TRPC4: variants seen among roughly 807,000 people sequenced by gnomAD.
The protein encoded by TRPC4 is transient receptor potential cation channel subfamily C member 4.
TRPC4 carries 49 observed loss-of-function variants against 99.4 expected under a neutral mutation model. The ratio of observed to expected loss-of-function variants is 0.49; its 90% CI spans 0.39 to 0.63. TRPC4 has a LOEUF of 0.63. Among genes scored for constraint, TRPC4 ranks in the 20% least tolerant of loss-of-function variants. The pLI, the probability that TRPC4 is intolerant of heterozygous loss-of-function variation, is 0.00. For synonymous variants in TRPC4, 454 were observed against 425.9 expected (o/e 1.07, Z -0.81); for missense variants, 898 against 1,152.9 (o/e 0.78, Z 3.20).
chr13:37,770,550 T>A (rs145708036), intron 2 of TRPC4, among the ~76,000 whole-genome samples: 6 of 151,688 alleles, frequency 4.0e-5, no homozygotes, highest in African/African-American at 1.2e-4. Context: ...AAATTTAGCA[T>A]AAAAGCACCA....
intron 7 of TRPC4, among the ~76,000 whole-genome samples, chr13:37,653,500 GA>G (rs138995952): frequency 0.014 from 2,129 of 152,246 alleles, 33 homozygotes; most frequent in Non-Finnish European, 0.023. Context: ...GCTATTCTGG[GA>G]CAGGTGTAAG....
Position 37,651,272 on chromosome 13 carries a change from G to C in TRPC4, c.2072C>G (p.Thr691Arg). ...AACATGCTGTGTTCTTACCCCTATT[G>C]TTCCAAAACTTTCTGGCTTTCTTCT... is the stretch of plus-strand genomic sequence containing the variant. The part of the protein sequence containing the change: ...KMRRKPESFG[T>R]IGRRAADNLR... The change falls in exon 8 of 11, where the codon ACA becomes AGA. Residue 691 changes from threonine to arginine, a missense_variant. This residue lies in a region of TRPC4 where 346 missense variants were observed against 351.4 expected (regional missense o/e 0.98). Coordinates refer to ENST00000379705, the MANE Select transcript of TRPC4 (RefSeq NM_016179.4). 6.2e-7 allele frequency: 1 copy of C among 1,614,036 alleles called. No individual in the cohort carries two copies. The highest frequency in any genetic ancestry group is 8.5e-7 in the Non-Finnish European group (1 of 1,179,940).
chr13:37,650,798 G>A lies in TRPC4; in HGVS notation c.2079+467C>T, dbSNP rs907077434. 1.0e-4 allele frequency among the ~76,000 whole-genome samples: 15 copies of A among 144,834 alleles called. No homozygotes were observed. In the East Asian group the frequency reaches 2.7e-3, roughly 26 times the overall value. ...TCATTTAATTGAGAATTCTTATCAA[G>A]CATAAAATGCTTTGTGCAGGGACTT... On this transcript the variant is annotated intron_variant, in intron 8 of 10. Transcript: ENST00000379705.
At chr13:37,745,457 T>TATATATACGCATATATATATATATATGC (rs1955720493) in intron 3 of TRPC4, among the ~76,000 whole-genome samples, 1 of 8,044 alleles carries the variant, frequency 1.2e-4, no homozygotes, top group Non-Finnish European at 4.9e-4. Context: ...TATATATATA[T>TATATATACGCATATATATATATATATGC]ATATATATAT....
chr13:37,735,025 T>A (rs1273300048), intron 3 of TRPC4, among the ~76,000 whole-genome samples: 2 of 152,132 alleles, frequency 1.3e-5, no homozygotes, highest in Non-Finnish European at 2.9e-5. Flanking sequence ...CTATGCCACC[T>A]AGAAGCCATT....
chr13:37,735,214 A>G (rs1184044200), intron 3 of TRPC4, among the ~76,000 whole-genome samples: 2 of 152,156 alleles, frequency 1.3e-5, no homozygotes, highest in African/African-American at 2.4e-5. Flanking sequence ...AGGAATAAGT[A>G]AAAACATTCC....
At chr13:37,704,948 ATATATC>A (rs1643832554) in intron 3 of TRPC4, among the ~76,000 whole-genome samples, 1 of 152,260 alleles carries the variant, frequency 6.6e-6, no homozygotes, top group East Asian at 1.9e-4. Context: ...ACTACTAGGC[ATATATC>A]TATAAGAAGT....
At chr13:37,776,580 AC>A (rs1478304752) in intron 2 of TRPC4, among the ~76,000 whole-genome samples, 1 of 151,966 alleles carries the variant, frequency 6.6e-6, no homozygotes, top group Non-Finnish European at 1.5e-5. Context: ...TATAATAAAA[AC>A]AAATAGAAAG....
At chr13:37,649,487 C>A (rs1323332715) in intron 8 of TRPC4, among the ~76,000 whole-genome samples, 2 of 151,896 alleles carry the variant, frequency 1.3e-5, no homozygotes, top group Non-Finnish European at 2.9e-5. Context: ...GTAATCCCAG[C>A]ACTTTGGGAG....
intron 8 of TRPC4, among the ~76,000 whole-genome samples, chr13:37,649,627 G>A (rs950184066): frequency 6.6e-6 from 1 of 151,046 alleles, no homozygotes; most frequent in African/African-American, 2.4e-5. Flanking sequence ...CCAGCTACTC[G>A]GGAGGCTGAG....
At chr13:37,812,176 CAAAA>C (rs61607544) in intron 1 of TRPC4, among the ~76,000 whole-genome samples, 2 of 55,138 alleles carry the variant, frequency 3.6e-5, no homozygotes, top group South Asian at 9.2e-4. Flanking sequence ...GAGACTCTAT[CAAAA>C]AAAAAAAAAA....
rs148085343 is a variant in TRPC4, at chr13:37,776,315, GA to G, written c.378+6640del. 1.2e-4 allele frequency among the ~76,000 whole-genome samples: 18 copies of G among 151,938 alleles called. No homozygotes were observed. In the East Asian group the frequency reaches 3.3e-3, roughly 28 times the overall value. The stretch of plus-strand genomic sequence containing the variant: ...ACGGCAGAATAAGAAAATAGTCTAA[GA>G]AACTTTCCTATTGATAAATCGATAT... On this transcript the variant is annotated intron_variant, in intron 2 of 10. Transcript: ENST00000379705.
intron 3 of TRPC4, among the ~76,000 whole-genome samples, chr13:37,703,229 G>A (rs1954158992): frequency 6.6e-6 from 1 of 152,096 alleles, no homozygotes; most frequent in South Asian, 2.1e-4. Context: ...TAGGAAAATT[G>A]CCACTTGAAA....
At chr13:37,828,696 C>T (rs932631488) in intron 1 of TRPC4, among the ~76,000 whole-genome samples, 9 of 152,132 alleles carry the variant, frequency 5.9e-5, no homozygotes, top group African/African-American at 9.7e-5. Flanking sequence ...CATGGTTAGG[C>T]CTGGAGGCCA....
intron 2 of TRPC4, among the ~76,000 whole-genome samples, chr13:37,747,041 A>G (rs1353462105): frequency 6.6e-6 from 1 of 152,158 alleles, no homozygotes; most frequent in Non-Finnish European, 1.5e-5. Context: ...CTTTTCTGGT[A>G]TATTTTCCAG....
At chr13:37,847,813 T>C (rs1958947501) in intron 1 of TRPC4, among the ~76,000 whole-genome samples, 1 of 152,040 alleles carries the variant, frequency 6.6e-6, no homozygotes, top group Non-Finnish European at 1.5e-5. Flanking sequence ...CACAAATATA[T>C]ACAGTGGACT....
chr13:37,866,764 C>T (rs995090489), intron 1 of TRPC4, among the ~76,000 whole-genome samples: 5 of 140,490 alleles, frequency 3.6e-5, no homozygotes, highest in African/African-American at 5.4e-5. Flanking sequence ...AGTTCTAAAT[C>T]AACTCTTCAT....
At chr13:37,794,340 A>G (rs989628720) in intron 1 of TRPC4, among the ~76,000 whole-genome samples, 1 of 152,130 alleles carries the variant, frequency 6.6e-6, no homozygotes, top group Non-Finnish European at 1.5e-5. Context: ...CTCCGATTTA[A>G]AAGATATTTG....
intron 1 of TRPC4, among the ~76,000 whole-genome samples, chr13:37,860,646 TACC>T (rs1381755467): frequency 6.6e-6 from 1 of 151,448 alleles, no homozygotes; most frequent in African/African-American, 2.4e-5. Context: ...AACATAATCT[TACC>T]ACAATTTTAT....
Sources: gnomAD v4.1 joint callset for allele counts (sites outside exome capture counted in the v4.1 genomes callset) on GRCh38, gnomAD v4.1.1 for gene constraint, gnomAD v4.1.1 regional missense constraint, MANE v1.5 for transcripts, NCBI Gene and HGNC (gene_info 2026-07-23, HGNC 2026-07-21) for gene names.